KAZN: variants seen among roughly 807,000 people sequenced by gnomAD.
The protein encoded by KAZN is kazrin, periplakin interacting protein.
In KAZN, 40 loss-of-function variants were observed where a neutral mutation model predicts 87.4. That is an observed-to-expected ratio of 0.46 (90% CI 0.36 to 0.60). The LOEUF (loss-of-function observed/expected upper bound fraction) is 0.60. Among genes scored for constraint, KAZN ranks in the 20% least tolerant of loss-of-function variants. The probability of loss-of-function intolerance (pLI) is 0.00; values close to 1 mark genes in which losing one functional copy is unlikely to be tolerated. For synonymous variants in KAZN, 466 were observed against 458.3 expected, an observed-to-expected ratio of 1.02 and a Z score of -0.22; for missense variants, 898 against 1,073.9, an observed-to-expected ratio of 0.84 and a Z score of 2.29.
chr1:15,023,430 G>A (rs1210476462), intron 2 of KAZN, among the ~76,000 whole-genome samples: 1 of 152,146 alleles, frequency 6.6e-6, no homozygotes, highest in Non-Finnish European at 1.5e-5. Flanking sequence ...GTAGGAGGGG[G>A]AAGGAAGGAG....
chr1:14,182,476 G>A (rs778194131), intron 2 of KAZN, among the ~76,000 whole-genome samples: 1 of 152,112 alleles, frequency 6.6e-6, no homozygotes, highest in African/African-American at 2.4e-5. Flanking sequence ...TTCTAAAACC[G>A]CTAACTTTTT....
Position 14,209,456 on chromosome 1 carries a change from C to T in KAZN, c.249+28864C>T, listed in dbSNP as rs182399102. Among the ~76,000 whole-genome samples the T allele has an allele frequency of 2.4e-4, 37 of 152,318 alleles. No individual in the cohort carries two copies. The East Asian group carries it at 7.0e-3, about 29-fold the overall frequency. ...GTAAAACCCTATGCCTTCTGGGCAG[C>T]TATAACCTTTGGAAAAATCTGCCTG... is the stretch of plus-strand genomic sequence containing the variant. On this transcript the variant is annotated intron_variant, in intron 2 of 16. Coordinates refer to the KAZN transcript ENST00000636203.
chr1:14,163,729 G>T (rs760521798), intron 1 of KAZN, among the ~76,000 whole-genome samples: 1 of 152,160 alleles, frequency 6.6e-6, no homozygotes, highest in Admixed American at 6.5e-5. Context: ...ACATTCCTGC[G>T]TGGAGGCCCT....
At chr1:14,898,351 T>A (rs140002519) in intron 1 of KAZN, among the ~76,000 whole-genome samples, 361 of 152,266 alleles carry the variant, frequency 2.4e-3, no homozygotes, top group African/African-American at 7.4e-3. Context: ...CTGAGACGGT[T>A]CTGCTCCTCA....
At chr1:15,043,187 G>C (rs995589666) in intron 3 of KAZN, among the ~76,000 whole-genome samples, 1 of 152,208 alleles carries the variant, frequency 6.6e-6, no homozygotes, top group African/African-American at 2.4e-5. Context: ...CCTGTGGAGT[G>C]GTGGCCGGAC....
Position 14,856,652 on chromosome 1 carries a change from G to C in KAZN, c.227-104032G>C, listed in dbSNP as rs1184720529. On this transcript the variant is annotated intron_variant, in intron 1 of 14. Transcript: ENST00000376030. This position sits in a 1 kb window ranked among gnomAD's most constrained non-coding sequence, Gnocchi z 5.2. ...CACATTCTTTGGGTTTTTACATTTT[G>C]GGGAATAAATAGGCAATGACCTTCT... 6.6e-6 allele frequency among the ~76,000 whole-genome samples: 1 copy of C among 152,082 alleles called. No individual in the cohort carries two copies. The highest frequency in any genetic ancestry group is 1.9e-4 in the East Asian group (1 of 5,192).
chr1:14,388,694 C>G (rs1662163218), intron 2 of KAZN, among the ~76,000 whole-genome samples: 1 of 152,066 alleles, frequency 6.6e-6, no homozygotes, highest in Non-Finnish European at 1.5e-5. Flanking sequence ...ATACAAAAAT[C>G]AAATCAAGAA....
Position 14,168,591 on chromosome 1 carries a change from A to G in KAZN, c.92-11844A>G, listed in dbSNP as rs556611098. 3.3e-5 allele frequency among the ~76,000 whole-genome samples: 5 copies of G among 152,250 alleles called. No individual in the cohort carries two copies. The East Asian group carries it at 5.8e-4, about 18-fold the overall frequency. ...GGCAACAGTGGATGGAGATGATGCT[A>G]CCCATTACAGGCTATAGGACTGTGT... On this transcript the variant is annotated intron_variant, in intron 1 of 16. Coordinates refer to the KAZN transcript ENST00000636203.
chr1:14,182,559 G>A (rs998815937), intron 2 of KAZN, among the ~76,000 whole-genome samples: 1 of 152,148 alleles, frequency 6.6e-6, no homozygotes, highest in African/African-American at 2.4e-5. Flanking sequence ...GCTAACCCCA[G>A]TCCTGTATCC....
chr1:14,141,768 T>G (rs1645244981), intron 1 of KAZN, among the ~76,000 whole-genome samples: 1 of 152,162 alleles, frequency 6.6e-6, no homozygotes, highest in South Asian at 2.1e-4. Flanking sequence ...TGAATGCAAT[T>G]TTTTTAAGGT....
intron 8 of KAZN, among the ~76,000 whole-genome samples, chr1:15,080,767 C>A (rs556004055): frequency 4.6e-5 from 7 of 152,212 alleles, no homozygotes; most frequent in Admixed American, 3.3e-4. Flanking sequence ...CAGTAGTTGG[C>A]TGCCTGAACA....
chr1:14,159,253 A>G (rs1292239515), intron 1 of KAZN, among the ~76,000 whole-genome samples: 1 of 152,196 alleles, frequency 6.6e-6, no homozygotes, highest in Non-Finnish European at 1.5e-5. Context: ...CAAGGATGAC[A>G]GTCAAAAACC....
At chr1:14,135,372 C>A (rs1025402747) in intron 1 of KAZN, among the ~76,000 whole-genome samples, 4 of 152,124 alleles carry the variant, frequency 2.6e-5, no homozygotes, top group Non-Finnish European at 5.9e-5. Context: ...TTAGTCTTAG[C>A]GAGGCTTTGA....
At chr1:13,955,451 A>T (rs901375523) in intron 1 of KAZN, among the ~76,000 whole-genome samples, 21 of 152,038 alleles carry the variant, frequency 1.4e-4, no homozygotes, top group Admixed American at 1.2e-3. Context: ...TTATTTTTTT[A>T]AAGTATATTT....
At chr1:14,412,192 A>G (rs1014605417) in intron 2 of KAZN, among the ~76,000 whole-genome samples, 3 of 152,366 alleles carry the variant, frequency 2.0e-5, no homozygotes, top group African/African-American at 7.2e-5. Context: ...TCAATGCATC[A>G]GGGCATAAAT....
intron 1 of KAZN, among the ~76,000 whole-genome samples, chr1:14,906,832 G>A (rs543852464): frequency 1.3e-5 from 2 of 150,736 alleles, no homozygotes; most frequent in South Asian, 2.1e-4. Context: ...TCAATTTGGC[G>A]GGCCCTCTGA....
intron 1 of KAZN, among the ~76,000 whole-genome samples, chr1:14,171,750 C>G (rs1645958638): frequency 6.6e-6 from 1 of 152,068 alleles, no homozygotes; most frequent in South Asian, 2.1e-4. Context: ...GTATATTTTT[C>G]TATAAAAATG....
chr1:14,475,597 T>C (rs945251369), intron 2 of KAZN, among the ~76,000 whole-genome samples: 1 of 152,236 alleles, frequency 6.6e-6, no homozygotes, highest in South Asian at 2.1e-4. Flanking sequence ...GATTTTTTAA[T>C]GAAAGGGAGA....
At chr1:14,393,920 A>G (rs1662669956) in intron 2 of KAZN, among the ~76,000 whole-genome samples, 1 of 133,928 alleles carries the variant, frequency 7.5e-6, no homozygotes, top group Non-Finnish European at 1.6e-5. Flanking sequence ...GTGTTTTTTT[A>G]ATGTAGTTGG....
Sources: gnomAD v4.1 joint callset for allele counts (sites outside exome capture counted in the v4.1 genomes callset) on GRCh38, gnomAD v4.1.1 for gene constraint, Gnocchi (gnomAD v3.1) non-coding constraint, MANE v1.5 for transcripts, NCBI Gene and HGNC (gene_info 2026-07-23, HGNC 2026-07-21) for gene names.